Variants in CDH12 observed in about 807,000 individuals in gnomAD.
CDH12 encodes cadherin-12.
A neutral mutation model predicts 74.1 loss-of-function variants in CDH12; 41 were observed. That is an observed-to-expected ratio of 0.55 (90% CI 0.43 to 0.72). The LOEUF is 0.72. Ranked by LOEUF, CDH12 falls within the 30% of genes least tolerant of loss-of-function variation. The pLI is 0.00. For missense variants in CDH12, 945 were observed against 977.2 expected, an observed-to-expected ratio of 0.97 and a Z score of 0.44; for synonymous variants, 399 against 355.0, an observed-to-expected ratio of 1.12 and a Z score of -1.39.
intron 4 of CDH12, among the ~76,000 whole-genome samples, chr5:22,207,328 C>T (rs1344892173): frequency 6.6e-6 from 1 of 151,676 alleles, no homozygotes; most frequent in Non-Finnish European, 1.5e-5. Context: ...AAGCAGTCAG[C>T]AAACTTTTTC....
chr5:22,605,794 T>C (rs1737084786), intron 1 of CDH12, among the ~76,000 whole-genome samples: 1 of 152,246 alleles, frequency 6.6e-6, no homozygotes, highest in Non-Finnish European at 1.5e-5. Flanking sequence ...AGCAGTACTT[T>C]GGTGTGCTTG....
At chr5:22,813,142 G>T (rs932255486) in intron 1 of CDH12, among the ~76,000 whole-genome samples, 9 of 152,242 alleles carry the variant, frequency 5.9e-5, no homozygotes. Context: ...ATTTGTATAA[G>T]ATTATAAATG....
At chr5:22,529,516 G>T (rs1580737235) in intron 1 of CDH12, among the ~76,000 whole-genome samples, 1 of 152,208 alleles carries the variant, frequency 6.6e-6, no homozygotes, top group East Asian at 1.9e-4. Flanking sequence ...TTTGGGGAGA[G>T]TCAGCCTTTT....
chr5:22,077,722 A>G lies in CDH12; in HGVS notation c.231+724T>C, dbSNP rs1423781413. On this transcript the variant is annotated intron_variant, in intron 5 of 14. Transcript: ENST00000382254. The stretch of plus-strand genomic sequence containing the variant: ...TTAATGGAAAAAAAAGCAGTAAAAC[A>G]TAACTGTCCTGAAACAGATAGTTGC... Among the ~76,000 whole-genome samples, 5 of 152,298 alleles carry G rather than the reference A, an allele frequency of 3.3e-5. No individual in the cohort carries two copies. The East Asian group carries it at 5.8e-4, about 18-fold the overall frequency.
chr5:22,244,783 AG>A (rs1752884079), intron 3 of CDH12, among the ~76,000 whole-genome samples: 1 of 122,408 alleles, frequency 8.2e-6, no homozygotes, highest in Non-Finnish European at 1.8e-5. Context: ...AAAGAAAGAA[AG>A]AAAGAAAGAA....
chr5:22,026,189 T>A (rs1431542431), intron 5 of CDH12, among the ~76,000 whole-genome samples: 1 of 152,066 alleles, frequency 6.6e-6, no homozygotes, highest in African/African-American at 2.4e-5. Context: ...AGGCACTTAG[T>A]GAGGGAACAG....
At chr5:22,606,534 C>T (rs975170357) in intron 1 of CDH12, among the ~76,000 whole-genome samples, 1 of 151,932 alleles carries the variant, frequency 6.6e-6, no homozygotes, top group African/African-American at 2.4e-5. Context: ...TTATAAAGGG[C>T]TCCCTCCTTC....
chr5:21,866,850 T>A (rs1257848258), intron 6 of CDH12, among the ~76,000 whole-genome samples: 1 of 152,084 alleles, frequency 6.6e-6, no homozygotes, highest in African/African-American at 2.4e-5. Context: ...GCCCCTCCCA[T>A]CACAGATCTG....
intron 1 of CDH12, among the ~76,000 whole-genome samples, chr5:22,587,040 T>C (rs188685092): frequency 1.3e-5 from 2 of 152,166 alleles, no homozygotes; most frequent in Non-Finnish European, 2.9e-5. Context: ...TTCACCATGT[T>C]GACCAGGCTG....
At chr5:22,303,823 G>A (rs930730257) in intron 3 of CDH12, among the ~76,000 whole-genome samples, 3 of 152,080 alleles carry the variant, frequency 2.0e-5, no homozygotes, top group Admixed American at 6.6e-5. Flanking sequence ...CCCTATCAAA[G>A]TCTCAGAGAA....
chr5:22,203,128 G>C (rs1318355519), intron 4 of CDH12, among the ~76,000 whole-genome samples: 1 of 152,044 alleles, frequency 6.6e-6, no homozygotes, highest in Non-Finnish European at 1.5e-5. Context: ...ATTTTCTCTT[G>C]TAGCTATTTT....
In CDH12 at chr5:22,776,495, T is replaced by C. The variant is rs565767329; in HGVS notation, c.-523+76563A>G. ...GGGCAATTATAGTACAATATGGTAA[T>C]GCCTATGATAATTGCGTACACAGAG... On this transcript the variant is annotated intron_variant, in intron 1 of 14. Coordinates refer to ENST00000382254, the MANE Select transcript of CDH12 (RefSeq NM_004061.5). 1.5e-3 allele frequency among the ~76,000 whole-genome samples: 232 copies of C among 152,244 alleles called. 2 individuals carry two copies. Among genetic ancestry groups the C allele is most frequent in the African/African-American group, 5.1e-3 (214 of 41,560 alleles).
intron 5 of CDH12, among the ~76,000 whole-genome samples, chr5:22,039,037 G>T (rs913125216): frequency 3.9e-5 from 6 of 152,110 alleles, no homozygotes; most frequent in Admixed American, 3.9e-4. Flanking sequence ...CCCCAACAGG[G>T]TTCAAGCAAC....
chr5:21,960,172 C>T (rs950686821), intron 6 of CDH12, among the ~76,000 whole-genome samples: 4 of 152,124 alleles, frequency 2.6e-5, no homozygotes, highest in African/African-American at 7.2e-5. Flanking sequence ...CTGAACCCAA[C>T]ATTCCACCAA....
chr5:22,424,038 GAAAAAGAAAGAAAAA>G (rs1190918897), intron 2 of CDH12, among the ~76,000 whole-genome samples: 3 of 122,008 alleles, frequency 2.5e-5, no homozygotes, highest in Non-Finnish European at 5.2e-5. Context: ...GAAAAGAAAA[GAAAAAGAAAGAAAAA>G]AAAAAGAGGG....
chr5:22,523,106 C>A (rs1737123503), intron 1 of CDH12, among the ~76,000 whole-genome samples: 1 of 152,138 alleles, frequency 6.6e-6, no homozygotes, highest in Non-Finnish European at 1.5e-5. Context: ...CCTAAGATGG[C>A]AATTCATGTG....
intron 3 of CDH12, among the ~76,000 whole-genome samples, chr5:22,287,717 C>T (rs2968248): frequency 0.97 from 141,008 of 144,976 alleles, 68,622 homozygotes; most frequent in South Asian, 1. Flanking sequence ...AGCGGGACTC[C>T]GTCTCAAAAA....
At chr5:22,049,359 T>C (rs1740186754) in intron 5 of CDH12, among the ~76,000 whole-genome samples, 1 of 152,144 alleles carries the variant, frequency 6.6e-6, no homozygotes, top group African/African-American at 2.4e-5. Flanking sequence ...TGAGTCCGCT[T>C]CCTTTTTCCT....
intron 5 of CDH12, among the ~76,000 whole-genome samples, chr5:21,999,009 G>A (rs952263855): frequency 2.6e-5 from 4 of 152,154 alleles, no homozygotes; most frequent in Non-Finnish European, 4.4e-5. Flanking sequence ...AACGGTCTCC[G>A]TTTCCATTCA....
Sources: gnomAD v4.1 joint callset for allele counts (sites outside exome capture counted in the v4.1 genomes callset) on GRCh38, gnomAD v4.1.1 for gene constraint, MANE v1.5 for transcripts, NCBI Gene and HGNC (gene_info 2026-07-23, HGNC 2026-07-21) for gene names.